MUC4: variants seen among roughly 807,000 people sequenced by gnomAD.
The protein encoded by MUC4 is mucin 4, cell surface associated.
A neutral mutation model predicts 257.9 loss-of-function variants in MUC4; 202 were observed. The ratio of observed to expected loss-of-function variants is 0.78; its 90% CI spans 0.70 to 0.88. The LOEUF (loss-of-function observed/expected upper bound fraction) is 0.88. MUC4 is among the 40% of genes least tolerant of loss of function. The pLI is 0.00. For missense variants in MUC4, 5,976 were observed against 6,513.7 expected (o/e 0.92, Z 2.84); for synonymous variants, 2,351 against 2,757.1 (o/e 0.85, Z 4.62).
chr3:195,772,980 ACCCTCTCTCCATCGCTCAGG>A (rs2148871574), intron 4 of MUC4, among the ~76,000 whole-genome samples: 1 of 132,620 alleles, frequency 7.5e-6, no homozygotes, highest in East Asian at 2.4e-4. Flanking sequence ...GGGTGTAGAC[ACCCTCTCTCCATCGCTCAGG>A]GGTGTGGACA....
At chr3:195,758,635 T>C (rs951370337) in intron 17 of MUC4, among the ~76,000 whole-genome samples, 8 of 144,842 alleles carry the variant, frequency 5.5e-5, no homozygotes, top group African/African-American at 1.5e-4. Flanking sequence ...CGATCTCAGC[T>C]CACTGCAACA....
intron 4 of MUC4, among the ~76,000 whole-genome samples, chr3:195,773,128 C>A (rs1407254879): frequency 2.7e-5 from 4 of 148,906 alleles, no homozygotes; most frequent in East Asian, 2.1e-4. Flanking sequence ...GGTGTAGACA[C>A]CCCCTCTCCA....
At position 195,785,156 on chromosome 3, in the gene MUC4, T is replaced by A. The variant is rs71617306; in HGVS notation, c.6424A>T (p.Thr2142Ser). 7.8e-5 allele frequency: 118 copies of A among 1,504,046 alleles called. 10 individuals carry two copies. The highest frequency in any genetic ancestry group is 2.0e-4 in the Middle Eastern group (1 of 5,064). 93.2% of individuals were successfully genotyped at this position (1,504,046 alleles called of 1,614,324 possible). A position where few individuals can be genotyped will look rare whatever the true frequency, so the allele number is the denominator to read the frequency against. Reference sequence around the variant, plus strand: ...GTTTCGGTGACAGGAAGAGGGGTGGTGTCACCTGTGGATGTTGAGGAAGGG... The same window carrying A: ...GTTTCGGTGACAGGAAGAGGGGTGGAGTCACCTGTGGATGTTGAGGAAGGG... ...TSPSSTSTGD[T>S]TPLPVTETSS... The change falls in exon 2 of 25, where the codon ACC (threonine) becomes TCC (serine). Residue 2142 changes from threonine to serine, a missense_variant. By Grantham distance (58) the Thr-to-Ser change is moderately conservative (BLOSUM62 1). Around this residue, in one of 44 missense-constraint regions of MUC4, gnomAD observed 85 missense variants for 325.0 expected, o/e 0.26. Transcript: ENST00000463781.
chr3:195,781,585 G>C lies in MUC4; in HGVS notation c.9995C>G (p.Thr3332Ser). The change falls in exon 2 of 25, where the codon ACC (threonine) becomes AGC (serine). Residue 3332 changes from threonine to serine, a missense_variant. Thr to Ser is a moderately conservative substitution (Grantham distance 58). This residue lies in a region of MUC4 where 72 missense variants were observed against 33.5 expected (regional missense o/e 2.15). Coordinates refer to ENST00000463781, the MANE Select transcript of MUC4 (RefSeq NM_018406.7). ...STGHATPLHV[T>S]SPSSASTGDT... is the part of the protein sequence containing the mutation. ...ACCTGTGGATGCTGAGGAAGGGCTGGTGACATGAAGAGGGGTGGCGTGACC... is the reference window on the plus strand; with the variant it reads ...ACCTGTGGATGCTGAGGAAGGGCTGCTGACATGAAGAGGGGTGGCGTGACC... The C allele has an allele frequency of 9.8e-6, 6 of 614,258 alleles. No homozygotes were observed. The highest frequency in any genetic ancestry group is 1.3e-5 in the Non-Finnish European group (6 of 447,552). 38.1% of individuals were successfully genotyped at this position (614,258 alleles called of 1,614,324 possible). A position where few individuals can be genotyped will look rare whatever the true frequency, so the allele number is the denominator to read the frequency against.
chr3:195,806,839 CT>C (rs1484509691), intron 1 of MUC4, among the ~76,000 whole-genome samples: 1 of 152,238 alleles, frequency 6.6e-6, no homozygotes, highest in Non-Finnish European at 1.5e-5. Context: ...ATTCATCTTC[CT>C]GTCCAGAGCA....
rs1390048970 is a variant in MUC4 at position 195,778,829 on chromosome 3, T to C, written c.12751A>G (p.Thr4251Ala). The part of the protein sequence containing the change: ...LAVSSATSAS[T>A]VSSDSPLKME... ...TTCAGAGGGGAGTCCGAGGATACTGTGGAAGCTGAGGTAGCACTGCTGACA... is the reference window on the plus strand; with the variant it reads ...TTCAGAGGGGAGTCCGAGGATACTGCGGAAGCTGAGGTAGCACTGCTGACA... Residue 4251 changes from threonine to alanine, a missense_variant, in exon 2 of 25, where the codon ACA becomes GCA. By Grantham distance (58) the Thr-to-Ala change is moderately conservative. Coordinates refer to ENST00000463781, the MANE Select transcript of MUC4 (RefSeq NM_018406.7). 13 of 1,612,288 alleles carry C rather than the reference T, an allele frequency of 8.1e-6. No homozygotes were observed. The highest frequency in any genetic ancestry group is 1.1e-5 in the Non-Finnish European group (13 of 1,179,510).
chr3:195,762,894 G>T lies in MUC4; in HGVS notation c.14305C>A (p.Gln4769Lys). Residue 4769 changes from glutamine to lysine, a missense_variant, in exon 13 of 25, where the codon CAG becomes AAG. Physicochemically the swap from Gln to Lys is moderately conservative, Grantham distance 53. Transcript: ENST00000463781. ...TGGTCAGGCTGAAATGTCACAGTCT[G>T]GTTATCCAGCAGGACACGGATTGCG... ...HDAIRVLLDN[Q>K]TVTFQPDHED... is the part of the protein sequence containing the mutation. 1 of 1,573,498 alleles carries T rather than the reference G, an allele frequency of 6.4e-7. No homozygotes were observed. The highest frequency in any genetic ancestry group is 8.6e-7 in the Non-Finnish European group (1 of 1,160,638).
chr3:195,776,144 GCCA>G (rs1560285880), intron 3 of MUC4, among the ~76,000 whole-genome samples: 1 of 23,666 alleles, frequency 4.2e-5, no homozygotes, highest in Non-Finnish European at 9.8e-5. Flanking sequence ...ACCTTCCACA[GCCA>G]TACCTTCCAC....
chr3:195,761,999 C>A, intron 14 of MUC4, 88 bp downstream of exon 14: 17 of 1,408,774 alleles, frequency 1.2e-5, no homozygotes, highest in Non-Finnish European at 1.6e-5. Context: ...AAAGGGAGGC[C>A]GAGCAGGGCT....
rs201323154 is a variant in MUC4, at chr3:195,781,166, G to C, written c.10414C>G (p.Pro3472Ala). The C allele has an allele frequency of 2.1e-5, 32 of 1,488,664 alleles. No homozygotes were observed. The African/African-American group carries it at 5.0e-4, about 23-fold the overall frequency. The allele number at this position is 1,488,664 out of a possible 1,614,324, so 92.2% of individuals were successfully genotyped here. ...GAGGAAGGGCTGGTGACAGGAAGAG[G>C]GGTGGTGTCACCTGTGGATGCTGAG... ...TSSASTGDTT[P>A]LPVTSPSSAS... The change falls in exon 2 of 25, where the codon CCT becomes GCT. Residue 3472 changes from proline (P) to alanine (A), a missense_variant. Around this residue, in one of 44 missense-constraint regions of MUC4, gnomAD observed 297 missense variants for 240.9 expected, o/e 1.23. Coordinates refer to ENST00000463781, the MANE Select transcript of MUC4 (RefSeq NM_018406.7).
In MUC4 at chr3:195,753,255, C is replaced by T. The variant is rs779158476; in HGVS notation, c.15329-25G>A. ...GCTGCAGAGTGAGTAGGGAGGTCAG[C>T]AGCAGCGCGCAGGGCAGCAGAGGGA... is the stretch of plus-strand genomic sequence containing the variant. On this transcript the variant is annotated intron_variant, in intron 19 of 24. Transcript: ENST00000463781. 7.5e-6 allele frequency: 12 copies of T among 1,610,236 alleles called. No homozygotes were observed. The East Asian group carries it at 2.7e-4, about 36-fold the overall frequency.
Position 195,757,786 on chromosome 3 carries a change from C to G in MUC4, c.14987-458G>C, listed in dbSNP as rs1560233459. Among the ~76,000 whole-genome samples, 1 of 152,192 alleles carries G rather than the reference C, an allele frequency of 6.6e-6. No individual in the cohort carries two copies. Among genetic ancestry groups the G allele is most frequent in the Non-Finnish European group, 1.5e-5 (1 of 68,024 alleles). ...CTGGACCTTTCCCAGACACCCCCTTCAGACACCAGACTGTAGTGAAACACT... is the reference window on the plus strand; with the variant it reads ...CTGGACCTTTCCCAGACACCCCCTTGAGACACCAGACTGTAGTGAAACACT... On this transcript the variant is annotated intron_variant, in intron 17 of 24. Coordinates refer to ENST00000463781, the MANE Select transcript of MUC4 (RefSeq NM_018406.7). This position sits in a 1 kb window ranked among gnomAD's most constrained non-coding sequence, Gnocchi z 4.8.
chr3:195,748,414 A>G (rs1193548823), intron 24 of MUC4, among the ~76,000 whole-genome samples: 8 of 152,368 alleles, frequency 5.3e-5, no homozygotes, highest in Admixed American at 3.3e-4. Flanking sequence ...AAATGCAAAA[A>G]TCAGCTGGGC....
chr3:195,752,403 T>G lies in MUC4; in HGVS notation c.15552A>C (p.Glu5184Asp). Reference protein sequence around the residue: ...RVIQLLLSEEENASMAEVNAS... With the variant: ...RVIQLLLSEEDNASMAEVNAS... The stretch of plus-strand genomic sequence containing the variant: ...CGTTGACTTCTGCCATGGAGGCATT[T>G]TCCTCTTCACTGAGCAAGAGCTGGA... Residue 5184 changes from glutamate (E) to aspartate (D), a missense_variant, in exon 21 of 25, where the codon GAA (glutamate) becomes GAC (aspartate). Around this residue, in one of 44 missense-constraint regions of MUC4, gnomAD observed 996 missense variants for 1,137.3 expected, o/e 0.88. Transcript: ENST00000463781. 1 of 1,614,102 alleles carries G rather than the reference T, an allele frequency of 6.2e-7. No individual in the cohort carries two copies. Among genetic ancestry groups the G allele is most frequent in the Non-Finnish European group, 8.5e-7 (1 of 1,179,926 alleles).
rs1435293452 is a variant in MUC4, at chr3:195,790,192, C to T, written c.1388G>A (p.Gly463Glu). Residue 463 changes from glycine to glutamate, a missense_variant, in exon 2 of 25, where the codon GGA (glycine) becomes GAA (glutamate). Gly to Glu is a moderately conservative substitution (Grantham distance 98). Coordinates refer to ENST00000463781, the MANE Select transcript of MUC4 (RefSeq NM_018406.7). Reference sequence around the variant, plus strand: ...GAATGAGCTCCTCTCATGAGGCCGTCCTGTGGTCTCTGCACCTTCACTCTG... The same window carrying T: ...GAATGAGCTCCTCTCATGAGGCCGTTCTGTGGTCTCTGCACCTTCACTCTG... ...TQQSEGAETTGRPHERSSFSP... is the reference protein window; with the variant it reads ...TQQSEGAETTERPHERSSFSP... 1 of 1,613,970 alleles carries T rather than the reference C, an allele frequency of 6.2e-7. No homozygotes were observed. Among genetic ancestry groups the T allele is most frequent in the Non-Finnish European group, 8.5e-7 (1 of 1,179,896 alleles).
intron 7 of MUC4, among the ~76,000 whole-genome samples, chr3:195,767,025 C>T (rs1045703703): frequency 1.3e-5 from 2 of 152,100 alleles, no homozygotes; most frequent in Admixed American, 6.5e-5. Context: ...GAGACAGGGG[C>T]GTGAAAACAA....
intron 3 of MUC4, 74 bp from the exon 4 acceptor site, chr3:195,774,379 G>C (rs1037583928): frequency 6.8e-7 from 1 of 1,462,060 alleles, no homozygotes; most frequent in African/African-American, 1.5e-5. Context: ...GGATCCCAGA[G>C]CGCTCCCTGC....
intron 24 of MUC4, among the ~76,000 whole-genome samples, chr3:195,748,274 G>A (rs959086661): frequency 6.6e-6 from 1 of 152,244 alleles, no homozygotes; most frequent in Non-Finnish European, 1.5e-5. Context: ...GGGAGGGTTT[G>A]ACTTTGGGCC....
Position 195,810,483 on chromosome 3 carries a change from G to GC in MUC4, c.82+1252dup, listed in dbSNP as rs1433501019. ...GGAAAGTGTGGGGAAGAGGACGGGG[G>GC]CCCCCGAGGGAACATCTCCCACAGG... On this transcript the variant is annotated intron_variant, in intron 1 of 24. Transcript: ENST00000463781. This position sits in a 1 kb window ranked among gnomAD's most constrained non-coding sequence, Gnocchi z 4.2. Among the ~76,000 whole-genome samples, 2 of 152,168 alleles carry GC rather than the reference G, an allele frequency of 1.3e-5. No homozygotes were observed. The highest frequency in any genetic ancestry group is 1.3e-4 in the Admixed American group (2 of 15,284).
Sources: gnomAD v4.1 joint callset for allele counts (sites outside exome capture counted in the v4.1 genomes callset) on GRCh38, gnomAD v4.1.1 for gene constraint, gnomAD v4.1.1 regional missense constraint, Gnocchi (gnomAD v3.1) non-coding constraint, MANE v1.5 for transcripts, NCBI Gene and HGNC (gene_info 2026-07-23, HGNC 2026-07-21) for gene names.